The following FAAH2 variants were observed in gnomAD, a reference collection of about 807,000 sequenced individuals.
The protein encoded by FAAH2 is fatty-acid amide hydrolase 2.
FAAH2 carries 60 observed loss-of-function variants against 36.9 expected under a neutral mutation model. The ratio of observed to expected loss-of-function variants is 1.63; its 90% CI spans 1.32 to 2.02. The LOEUF (loss-of-function observed/expected upper bound fraction) is 2.02, where lower values mean the gene tolerates loss of function less well. Among genes scored for constraint, FAAH2 ranks in the 30% most tolerant of loss-of-function variants. FAAH2 has a pLI of 0.00. For synonymous variants in FAAH2, 214 were observed against 143.8 expected (o/e 1.49, Z -3.49); for missense variants, 689 against 397.5 (o/e 1.73, Z -6.23).
At chrX:57,128,364 A>C in the FAAH2 span, among the ~76,000 whole-genome samples, 1 of 111,998 alleles carries the variant, frequency 8.9e-6, no homozygotes, top group Non-Finnish European at 1.9e-5. Context: ...AAAATTTAAA[A>C]AATTAACAAC....
intron 7 of FAAH2, among the ~76,000 whole-genome samples, chrX:57,420,603 G>A (rs760975867): frequency 2.7e-3 from 297 of 110,004 alleles, no homozygotes; most frequent in African/African-American, 9.2e-3. Context: ...TTGCTTATCA[G>A]CTTAAGGAGA....
intron 5 of FAAH2, among the ~76,000 whole-genome samples, chrX:57,358,278 AC>A (rs1476811154): frequency 9.0e-6 from 1 of 110,617 alleles, no homozygotes; most frequent in Non-Finnish European, 1.9e-5. Context: ...TGGGCACAAT[AC>A]TTTACAGCAG....
chrX:57,389,979 G>A (rs1311978820), intron 7 of FAAH2, among the ~76,000 whole-genome samples: 2 of 110,004 alleles, frequency 1.8e-5, no homozygotes, highest in Non-Finnish European at 1.9e-5. Flanking sequence ...CTAGGGGCCA[G>A]TTGCATGTCT....
At chrX:57,144,698 A>G in the FAAH2 span, among the ~76,000 whole-genome samples, 1 of 109,830 alleles carries the variant, frequency 9.1e-6, no homozygotes, top group Non-Finnish European at 1.9e-5. Context: ...AGTGTTCCCA[A>G]AGTCCGTTGT....
At chrX:57,424,925 T>C (rs930507946) in intron 7 of FAAH2, among the ~76,000 whole-genome samples, 32 of 110,784 alleles carry the variant, frequency 2.9e-4, no homozygotes, top group South Asian at 1.1e-3. Flanking sequence ...ATTCAAAACA[T>C]TAATTTTAAA....
chrX:57,299,030 G>A lies in FAAH2; in HGVS notation c.275+6450G>A, dbSNP rs755550103. Among the ~76,000 whole-genome samples, 825 of 111,154 alleles carry A rather than the reference G, an allele frequency of 7.4e-3. 5 individuals carry two copies. The highest frequency in any genetic ancestry group is 0.017 in the African/African-American group (508 of 30,539). On this transcript the variant is annotated intron_variant, in intron 2 of 10. Coordinates refer to ENST00000374900, the MANE Select transcript of FAAH2 (RefSeq NM_174912.4). ...AGCAGAATTCTACCAGAGGTACAAG[G>A]AGGAGCTGGTACCATTCCTTCTGAA...
the FAAH2 span, among the ~76,000 whole-genome samples, chrX:57,262,926 A>T: frequency 9.0e-6 from 1 of 111,172 alleles, no homozygotes; most frequent in African/African-American, 3.3e-5. Context: ...CATAATAAAA[A>T]CTCTCAGAAA....
rs774339923 is a variant in FAAH2 at position 57,286,904 on chromosome X, G to A, written c.79G>A (p.Ala27Thr). The change falls in exon 1 of 11, where the codon GCA becomes ACA. Residue 27 changes from alanine to threonine, a missense_variant. Ala to Thr is a moderately conservative substitution (Grantham distance 58). Coordinates refer to ENST00000374900, the MANE Select transcript of FAAH2 (RefSeq NM_174912.4). ...LGFLIGLVGRAALVLGGPKFA... is the reference protein window; with the variant it reads ...LGFLIGLVGRTALVLGGPKFA... Reference sequence around the variant, plus strand: ...CTTTCTCATAGGCTTAGTAGGCCGAGCAGCTTTAGTCTTAGGGGGTCCAAA... The same window carrying A: ...CTTTCTCATAGGCTTAGTAGGCCGAACAGCTTTAGTCTTAGGGGGTCCAAA... 1.8e-5 allele frequency: 22 copies of A among 1,203,332 alleles called. No individual in the cohort carries two copies. Among genetic ancestry groups the A allele is most frequent in the Non-Finnish European group, 2.4e-5 (21 of 892,204 alleles).
At chrX:57,323,465 T>C (rs1444236144) in intron 3 of FAAH2, among the ~76,000 whole-genome samples, 1 of 111,593 alleles carries the variant, frequency 9.0e-6, no homozygotes, top group Non-Finnish European at 1.9e-5. Context: ...GTAAAAGTGT[T>C]CCTATTACTC....
At chrX:57,399,993 C>T (rs1304171057) in intron 7 of FAAH2, among the ~76,000 whole-genome samples, 7 of 111,585 alleles carry the variant, frequency 6.3e-5, no homozygotes, top group South Asian at 3.8e-4. Context: ...AATTTGAGGT[C>T]GGAATCAGTC....
chrX:57,286,659 A>T, upstream of FAAH2: 1 of 434,111 alleles, frequency 2.3e-6, no homozygotes, highest in Non-Finnish European at 3.6e-6. Context: ...ATCTCTGGCT[A>T]GGAGCCCTGC....
chrX:57,202,258 G>T, the FAAH2 span, among the ~76,000 whole-genome samples: 2 of 111,610 alleles, frequency 1.8e-5, no homozygotes, highest in Non-Finnish European at 3.8e-5. Context: ...TCTCTTTCTG[G>T]GCTTTATTGT....
At chrX:57,381,274 G>C (rs375588401) in intron 7 of FAAH2, among the ~76,000 whole-genome samples, 48 of 111,489 alleles carry the variant, frequency 4.3e-4, no homozygotes, top group African/African-American at 1.5e-3. Context: ...TTGCTCAGAG[G>C]TAACTGTCAT....
At chrX:57,464,722 C>T (rs2057020240) in intron 10 of FAAH2, among the ~76,000 whole-genome samples, 1 of 110,768 alleles carries the variant, frequency 9.0e-6, no homozygotes, top group African/African-American at 3.3e-5. Context: ...ACCACCTGAA[C>T]AACCACATGT....
chrX:57,446,215 C>T (rs1398685082), intron 8 of FAAH2, among the ~76,000 whole-genome samples: 1 of 112,194 alleles, frequency 8.9e-6, no homozygotes, highest in African/African-American at 3.2e-5. Context: ...GTAGGCAATG[C>T]AAGACCATCT....
intron 8 of FAAH2, among the ~76,000 whole-genome samples, chrX:57,439,999 C>T (rs2056512484): frequency 1.8e-5 from 2 of 111,688 alleles, no homozygotes; most frequent in Admixed American, 1.9e-4. Context: ...GTTTTGGTTA[C>T]TGTAGCCTTG....
chrX:57,337,268 G>GAAAAA (rs35462646), intron 4 of FAAH2, among the ~76,000 whole-genome samples: 5 of 60,501 alleles, frequency 8.3e-5, no homozygotes, highest in African/African-American at 3.0e-4. Context: ...CCTACCAATC[G>GAAAAA]AAAAAAAAAA....
chrX:57,366,630 C>T (rs1233175686), intron 5 of FAAH2, among the ~76,000 whole-genome samples: 1 of 112,223 alleles, frequency 8.9e-6, no homozygotes, highest in African/African-American at 3.2e-5. Context: ...GGCAAGCATA[C>T]ACCCACAAGG....
chrX:57,353,388 A>T (rs1448296265), intron 5 of FAAH2, among the ~76,000 whole-genome samples: 1 of 108,388 alleles, frequency 9.2e-6, no homozygotes, highest in Non-Finnish European at 1.9e-5. Flanking sequence ...AAAATTGGAT[A>T]GTCATATATA....
Sources: gnomAD v4.1 joint callset for allele counts (sites outside exome capture counted in the v4.1 genomes callset) on GRCh38, gnomAD v4.1.1 for gene constraint, MANE v1.5 for transcripts, NCBI Gene and HGNC (gene_info 2026-07-23, HGNC 2026-07-21) for gene names.